CLPB: variants seen among roughly 807,000 people sequenced by gnomAD.
The protein encoded by CLPB is mitochondrial disaggregase.
CLPB carries 40 observed loss-of-function variants against 78.4 expected under a neutral mutation model. The observed-to-expected ratio is 0.51, with a 90% confidence interval of 0.40 to 0.66. The LOEUF (loss-of-function observed/expected upper bound fraction) is 0.66. Among genes scored for constraint, CLPB ranks in the 30% least tolerant of loss-of-function variants. The probability of loss-of-function intolerance (pLI) is 0.00; values close to 1 mark genes in which losing one functional copy is unlikely to be tolerated. For synonymous variants in CLPB, 333 were observed against 348.0 expected, an observed-to-expected ratio of 0.96 and a Z score of 0.48; for missense variants, 780 against 886.9, an observed-to-expected ratio of 0.88 and a Z score of 1.53.
intron 5 of CLPB, among the ~76,000 whole-genome samples, chr11:72,336,428 C>A (rs1349852223): frequency 6.6e-6 from 1 of 152,196 alleles, no homozygotes; most frequent in Non-Finnish European, 1.5e-5. Context: ...CAGTGAGGGG[C>A]CGCCTCTCCC....
At position 72,367,779 on chromosome 11, in the gene CLPB, T is replaced by C. The variant is rs143968367; in HGVS notation, c.647-8771A>G. Among the ~76,000 whole-genome samples the C allele has an allele frequency of 6.3e-3, 954 of 152,136 alleles. 14 individuals carry two copies. The highest frequency in any genetic ancestry group is 0.021 in the African/African-American group (886 of 41,486). On this transcript the variant is annotated intron_variant, in intron 4 of 15. Transcript: ENST00000538039. The stretch of plus-strand genomic sequence containing the variant: ...AAAAGAAAAGTTGAAATAAAAATAT[T>C]TGATACAAAATTAAAAAAAAAAGAA...
chr11:72,387,090 T>C (rs1855100174), intron 3 of CLPB, among the ~76,000 whole-genome samples: 1 of 152,186 alleles, frequency 6.6e-6, no homozygotes, highest in Non-Finnish European at 1.5e-5. Context: ...GAATGAATAA[T>C]GACAGTAATG....
intron 7 of CLPB, among the ~76,000 whole-genome samples, chr11:72,313,888 G>A (rs1396116969): frequency 3.9e-5 from 6 of 152,166 alleles, no homozygotes; most frequent in Admixed American, 3.9e-4. Context: ...AACGTGGAAG[G>A]GCAGGGCAGT....
chr11:72,303,656 G>T (rs2135504470), intron 9 of CLPB, among the ~76,000 whole-genome samples: 1 of 152,344 alleles, frequency 6.6e-6, no homozygotes, highest in East Asian at 1.9e-4. Flanking sequence ...ATGGGGGAAA[G>T]CACTGCTATC....
chr11:72,391,928 G>A (rs377220650), intron 3 of CLPB, among the ~76,000 whole-genome samples: 2 of 152,180 alleles, frequency 1.3e-5, no homozygotes, highest in East Asian at 3.9e-4. Context: ...GGGTGGTGGG[G>A]AGTCACAATA....
intron 2 of CLPB, 34 bp downstream of exon 2, chr11:72,430,278 T>G: frequency 6.2e-7 from 1 of 1,600,606 alleles, no homozygotes. Context: ...CAGCCTCTCC[T>G]GTAGGGGAGA....
chr11:72,405,417 C>T (rs1855681240), intron 2 of CLPB, among the ~76,000 whole-genome samples: 1 of 152,162 alleles, frequency 6.6e-6, no homozygotes, highest in African/African-American at 2.4e-5. Flanking sequence ...CAGAAAAGTG[C>T]ATAGGAGCAT....
chr11:72,319,637 G>T (rs1475651732), intron 6 of CLPB, among the ~76,000 whole-genome samples: 2 of 152,278 alleles, frequency 1.3e-5, no homozygotes, highest in Admixed American at 6.5e-5. Context: ...TCATTAAAAC[G>T]CAGGATAGTA....
At chr11:72,341,180 TA>T (rs1288049860) in intron 5 of CLPB, among the ~76,000 whole-genome samples, 4 of 152,224 alleles carry the variant, frequency 2.6e-5, no homozygotes, top group Non-Finnish European at 5.9e-5. Context: ...CAAAAAATGG[TA>T]ACTGTTGTTA....
chr11:72,403,025 A>G lies in CLPB; in HGVS notation c.483T>C (p.Asn161=), dbSNP rs901839911. The stretch of plus-strand genomic sequence containing the variant: ...CTGTCCAGCCAAGTCTGTGCTTTGC[A>G]TTGACATCTGCACCTTCTGACAACA... ...SRLLSEGADV[N]AKHRLGWTAL... Residue 161 remains asparagine (N), a synonymous_variant, in exon 3 of 16, where the codon AAT becomes AAC. Transcript: ENST00000538039. The G allele has an allele frequency of 6.2e-7, 1 of 1,613,550 alleles. No homozygotes were observed. The highest frequency in any genetic ancestry group is 8.5e-7 in the Non-Finnish European group (1 of 1,179,990).
intron 1 of CLPB, among the ~76,000 whole-genome samples, chr11:72,430,996 A>T (rs1438447109): frequency 6.6e-6 from 1 of 152,160 alleles, no homozygotes; most frequent in African/African-American, 2.4e-5. Flanking sequence ...TGCCAGCTTC[A>T]CAAGGATGTC....
chr11:72,379,416 C>T (rs569358604), intron 4 of CLPB, among the ~76,000 whole-genome samples: 27 of 152,188 alleles, frequency 1.8e-4, no homozygotes, highest in Non-Finnish European at 2.6e-4. Flanking sequence ...ATGTAAAATA[C>T]TCATTTCTGA....
rs921675183 is a variant in CLPB at position 72,377,004 on chromosome 11, C to T, written c.646+3277G>A. 3.3e-5 allele frequency among the ~76,000 whole-genome samples: 5 copies of T among 152,264 alleles called. No homozygotes were observed. In the East Asian group the frequency reaches 7.7e-4, roughly 23 times the overall value. On this transcript the variant is annotated intron_variant, in intron 4 of 15. Transcript: ENST00000538039. ...AGTTCTTAAACACTTGGGTAATTAC[C>T]GGGTACCAGTATGGGTTCCCTAAGA...
rs1277330273 is a variant in CLPB, at chr11:72,434,376, G to C, written c.99C>G (p.Ser33=). The stretch of plus-strand genomic sequence containing the variant: ...GACTCCCAGTAGTCACATTCCGGCC[G>C]GAAGCACCTCCATGGCCCCGGAGCG... ...SPTLRGHGGA[S]GRNVTTGSLG... is the part of the protein sequence containing the mutation. Residue 33 remains serine (S), a synonymous_variant, in exon 1 of 16, where the codon TCC becomes TCG. Coordinates refer to ENST00000538039, the MANE Select transcript of CLPB (RefSeq NM_001258392.3). 6.2e-7 allele frequency: 1 copy of C among 1,611,658 alleles called. No homozygotes were observed. The highest frequency in any genetic ancestry group is 1.3e-5 in the African/African-American group (1 of 74,870).
At chr11:72,388,855 G>A (rs1039487818) in intron 3 of CLPB, among the ~76,000 whole-genome samples, 3 of 152,154 alleles carry the variant, frequency 2.0e-5, no homozygotes, top group African/African-American at 7.2e-5. Context: ...GCATATAGCA[G>A]GGCAGAAACA....
chr11:72,411,637 G>A (rs1855878433), intron 2 of CLPB: 1 of 152,170 alleles, frequency 6.6e-6, no homozygotes, highest in Admixed American at 6.5e-5. Context: ...GTGGGAGGGA[G>A]GGAAAGAGTC....
intron 3 of CLPB, among the ~76,000 whole-genome samples, chr11:72,387,746 G>A (rs1339890570): frequency 2.0e-5 from 3 of 152,004 alleles, no homozygotes; most frequent in Non-Finnish European, 1.5e-5. Context: ...GGCTGTGATG[G>A]GCACCAGATC....
At position 72,325,285 on chromosome 11, in the gene CLPB, C is replaced by T. The variant is rs1212719087; in HGVS notation, c.873+4422G>A. Among the ~76,000 whole-genome samples, 6 of 152,194 alleles carry T rather than the reference C, an allele frequency of 3.9e-5. No individual in the cohort carries two copies. The East Asian group carries it at 1.2e-3, about 29-fold the overall frequency. On this transcript the variant is annotated intron_variant, in intron 6 of 15. Transcript: ENST00000538039. ...TCAAGGTGAGATTACAGGCTACCTC[C>T]TCTTTGAAGCCTGCCCTGCTCTCTC...
At chr11:72,334,920 C>A (rs972841629) in intron 5 of CLPB, among the ~76,000 whole-genome samples, 3 of 152,254 alleles carry the variant, frequency 2.0e-5, no homozygotes, top group African/African-American at 7.2e-5. Flanking sequence ...GGCTTCCTGG[C>A]AGCACTGCTG....
Sources: gnomAD v4.1 joint callset for allele counts (sites outside exome capture counted in the v4.1 genomes callset) on GRCh38, gnomAD v4.1.1 for gene constraint, MANE v1.5 for transcripts, NCBI Gene and HGNC (gene_info 2026-07-23, HGNC 2026-07-21) for gene names.